Variants in PCDHGB4 observed in about 807,000 individuals in gnomAD.
PCDHGB4 encodes protocadherin gamma-B4.
A neutral mutation model predicts 60.5 loss-of-function variants in PCDHGB4; 38 were observed. The ratio of observed to expected loss-of-function variants is 0.63; its 90% CI spans 0.48 to 0.82. The LOEUF (loss-of-function observed/expected upper bound fraction) is 0.82, where lower values mean the gene tolerates loss of function less well. PCDHGB4 is among the 40% of genes least tolerant of loss of function. PCDHGB4 has a pLI of 0.00. For missense variants in PCDHGB4, 1,109 were observed against 1,209.6 expected (o/e 0.92, Z 1.23); for synonymous variants, 456 against 509.7 (o/e 0.89, Z 1.42).
At chr5:141,466,034 A>T (rs189202430) in intron 1 of PCDHGB4, among the ~76,000 whole-genome samples, 1,557 of 152,178 alleles carry the variant, frequency 0.01, 35 homozygotes, top group African/African-American at 0.035. Flanking sequence ...AGGCAGGAGA[A>T]CGGCATGAAC....
chr5:141,405,677 C>T (rs1204978047), intron 1 of PCDHGB4, among the ~76,000 whole-genome samples: 3 of 152,088 alleles, frequency 2.0e-5, no homozygotes, highest in African/African-American at 7.2e-5. Context: ...GGGGTGTCAC[C>T]ATGTTGGCCA....
rs1479003983 is a variant in PCDHGB4, at chr5:141,485,352, C to T, written c.2398-9455C>T. On this transcript the variant is annotated intron_variant, in intron 1 of 3. Coordinates refer to ENST00000519479, the MANE Select transcript of PCDHGB4 (RefSeq NM_003736.4). This position sits in a 1 kb window ranked among gnomAD's most constrained non-coding sequence, Gnocchi z 5.7. ...TTCCTGCTGGATACGGACAGTCTGT[C>T]AGCTCGCAGGCTGCAGGTCGCTGGA... 1 of 1,614,136 alleles carries T rather than the reference C, an allele frequency of 6.2e-7. No homozygotes were observed. The highest frequency in any genetic ancestry group is 8.5e-7 in the Non-Finnish European group (1 of 1,180,012).
intron 1 of PCDHGB4, chr5:141,475,820 C>G (rs890721743): frequency 1.1e-5 from 4 of 351,810 alleles, no homozygotes; most frequent in Non-Finnish European, 1.5e-5. Context: ...AAGTTCCTGG[C>G]GCTAGCGCGT....
At position 141,393,312 on chromosome 5, in the gene PCDHGB4, C is replaced by T. The variant is rs1308410982; in HGVS notation, c.2397+3031C>T. 8 of 1,613,494 alleles carry T rather than the reference C, an allele frequency of 5.0e-6. No homozygotes were observed. The East Asian group carries it at 8.9e-5, about 18-fold the overall frequency. On this transcript the variant is annotated intron_variant, in intron 1 of 3. Coordinates refer to ENST00000519479, the MANE Select transcript of PCDHGB4 (RefSeq NM_003736.4). ...TGACCCGGATGTGGGCGTGAACTCC[C>T]TCCAGAGCTACCAGCTCAGCCCCAA... is the stretch of plus-strand genomic sequence containing the variant.
chr5:141,505,143 C>G lies in PCDHGB4; in HGVS notation c.2457-250C>G, dbSNP rs578261428. ...CGCCACTGCACTCCAGCCTGGATGA[C>G]AGAGTAAGACCCTGTCTAAAACAAA... On this transcript the variant is annotated intron_variant, in intron 2 of 3. Coordinates refer to ENST00000519479, the MANE Select transcript of PCDHGB4 (RefSeq NM_003736.4). Among the ~76,000 whole-genome samples the G allele has an allele frequency of 3.3e-5, 5 of 152,290 alleles. No homozygotes were observed. The East Asian group carries it at 7.7e-4, about 24-fold the overall frequency.
intron 1 of PCDHGB4, chr5:141,419,413 C>A (rs568417008): frequency 6.2e-7 from 1 of 1,613,444 alleles, no homozygotes; most frequent in South Asian, 1.1e-5. Flanking sequence ...TCGCGCAGCG[C>A]GCCTTCGACC....
chr5:141,464,676 T>C (rs1337677151), intron 1 of PCDHGB4, among the ~76,000 whole-genome samples: 3 of 152,176 alleles, frequency 2.0e-5, no homozygotes, highest in Non-Finnish European at 2.9e-5. Context: ...ATAATTTTAA[T>C]TAAAATTTCT....
At chr5:141,510,408 T>C (rs1447722710) in intron 3 of PCDHGB4, among the ~76,000 whole-genome samples, 1 of 151,878 alleles carries the variant, frequency 6.6e-6, no homozygotes, top group African/African-American at 2.4e-5. Flanking sequence ...GCTAGGGGCA[T>C]GTAAAGCCAT....
At chr5:141,407,549 T>C (rs1159197129) in intron 1 of PCDHGB4, among the ~76,000 whole-genome samples, 4 of 151,912 alleles carry the variant, frequency 2.6e-5, no homozygotes, top group African/African-American at 9.7e-5. Flanking sequence ...TAACAGATTG[T>C]AGAACATAAG....
intron 1 of PCDHGB4, chr5:141,394,634 C>T (rs764703837): frequency 2.5e-6 from 4 of 1,613,328 alleles, no homozygotes; most frequent in Non-Finnish European, 1.7e-6. Flanking sequence ...TGTCCTACCG[C>T]CTGCTCAAGG....
At chr5:141,478,345 C>T (rs755421316) in intron 1 of PCDHGB4, 3 of 1,613,850 alleles carry the variant, frequency 1.9e-6, no homozygotes, top group East Asian at 4.5e-5. Context: ...CCTCCTTGCA[C>T]GCGGACGCCG....
At chr5:141,466,027 CAGG>C (rs1174989171) in intron 1 of PCDHGB4, among the ~76,000 whole-genome samples, 1 of 151,890 alleles carries the variant, frequency 6.6e-6, no homozygotes, top group African/African-American at 2.4e-5. Context: ...GAGGGTGAGG[CAGG>C]AGAACGGCAT....
chr5:141,409,156 A>G (rs771600341), intron 1 of PCDHGB4: 1 of 1,613,986 alleles, frequency 6.2e-7, no homozygotes, highest in Non-Finnish European at 8.5e-7. Flanking sequence ...ACACCATGGA[A>G]GTGGAAGCGA....
At chr5:141,393,088 G>A in intron 1 of PCDHGB4, 3 of 1,613,648 alleles carry the variant, frequency 1.9e-6, no homozygotes, top group Non-Finnish European at 2.5e-6. Context: ...AGGATAGATC[G>A]GGAGGAGCTC....
intron 1 of PCDHGB4, chr5:141,399,982 A>C: frequency 6.2e-7 from 1 of 1,612,330 alleles, no homozygotes; most frequent in Non-Finnish European, 8.5e-7. Context: ...GGGGCTGCGC[A>C]CAGGAGAGGT....
Position 141,462,764 on chromosome 5 carries a change from G to C in PCDHGB4, c.2398-32043G>C, listed in dbSNP as rs150842317. Among the ~76,000 whole-genome samples, 589 of 152,084 alleles carry C rather than the reference G, an allele frequency of 3.9e-3. 5 individuals are homozygous for C. Among genetic ancestry groups the C allele is most frequent in the Admixed American group, 0.011 (169 of 15,274 alleles). ...AATTCCTATGATGATTTTCTTCCTG[G>C]CTTGGGGTCATAATTTGTTGCTTAT... On this transcript the variant is annotated intron_variant, in intron 1 of 3. Transcript: ENST00000519479.
intron 1 of PCDHGB4, among the ~76,000 whole-genome samples, chr5:141,483,993 G>T (rs1307708919): frequency 6.8e-6 from 1 of 147,882 alleles, no homozygotes; most frequent in Non-Finnish European, 1.5e-5. Flanking sequence ...AGGTTGCTGG[G>T]AGGTCTGGAT....
chr5:141,410,719 A>G, intron 1 of PCDHGB4: 3 of 1,407,980 alleles, frequency 2.1e-6, no homozygotes, highest in Non-Finnish European at 2.9e-6. Context: ...TCATATGTTT[A>G]AAATCCATAG....
At chr5:141,413,118 G>C (rs999214227) in intron 1 of PCDHGB4, 1 of 1,517,152 alleles carries the variant, frequency 6.6e-7, no homozygotes, top group Non-Finnish European at 8.9e-7. Flanking sequence ...CAAAGGAACC[G>C]GTTGAAACAC....
Sources: gnomAD v4.1 joint callset for allele counts (sites outside exome capture counted in the v4.1 genomes callset) on GRCh38, gnomAD v4.1.1 for gene constraint, Gnocchi (gnomAD v3.1) non-coding constraint, MANE v1.5 for transcripts, NCBI Gene and HGNC (gene_info 2026-07-23, HGNC 2026-07-21) for gene names.